COG4: variants seen among roughly 807,000 people sequenced by gnomAD.
COG4 encodes conserved oligomeric Golgi complex subunit 4.
A neutral mutation model predicts 95.1 loss-of-function variants in COG4; 65 were observed. The ratio of observed to expected loss-of-function variants is 0.68; its 90% CI spans 0.56 to 0.84. The LOEUF is 0.84. Ranked by LOEUF, COG4 falls within the 40% of genes least tolerant of loss-of-function variation. The probability of loss-of-function intolerance (pLI) is 0.00; values close to 1 mark genes in which losing one functional copy is unlikely to be tolerated. For missense variants in COG4, 1,045 were observed against 989.1 expected, an observed-to-expected ratio of 1.06 and a Z score of -0.76; for synonymous variants, 421 against 374.8, an observed-to-expected ratio of 1.12 and a Z score of -1.42.
chr16:70,508,675 T>C (rs189561908), intron 7 of COG4: 527 of 671,894 alleles, frequency 7.8e-4, no homozygotes, highest in Middle Eastern at 3.6e-3. Context: ...CCTCTATTAC[T>C]GTGCTTAAAA....
intron 12 of COG4, 124 bp from the exon 13 acceptor site, chr16:70,490,516 T>C: frequency 6.3e-6 from 5 of 795,484 alleles, no homozygotes; most frequent in Non-Finnish European, 1.1e-5. Flanking sequence ...AGTTCAGACT[T>C]GCGCTAATGA....
chr16:70,482,213 A>G, intron 15 of COG4, 38 bp from the exon 16 acceptor site: 2 of 1,284,892 alleles, frequency 1.6e-6, no homozygotes, highest in African/African-American at 2.9e-5. Context: ...CATGGGCCTC[A>G]TAAGAAGTAC....
intron 8 of COG4, among the ~76,000 whole-genome samples, chr16:70,504,657 A>C (rs1333588382): frequency 2.7e-5 from 4 of 150,592 alleles, no homozygotes; most frequent in Non-Finnish European, 5.9e-5. Flanking sequence ...TCACTCCTGT[A>C]ATCCCAGCAC....
chr16:70,482,458 A>C, intron 15 of COG4: 1 of 603,334 alleles, frequency 1.7e-6, no homozygotes, highest in Non-Finnish European at 2.9e-6. Context: ...CGCCAGGAGG[A>C]AAAAAACGCT....
intron 2 of COG4, 99 bp from the exon 3 acceptor site, chr16:70,517,839 A>C (rs1244490083): frequency 1.3e-6 from 1 of 764,378 alleles, no homozygotes; most frequent in Non-Finnish European, 2.3e-6. Context: ...CTTCTTTCAT[A>C]CCTACCTGTA....
At chr16:70,509,179 T>C (rs2049644570) in intron 7 of COG4, 52 bp downstream of exon 7, 19 of 1,607,028 alleles carry the variant, frequency 1.2e-5, no homozygotes, top group Non-Finnish European at 1.6e-5. Flanking sequence ...TTCTACTCAG[T>C]GTTCCTCGCT....
In COG4 at chr16:70,481,931, A is replaced by G. The variant is rs866618729; in HGVS notation, c.2005-66T>C. On this transcript the variant is annotated intron_variant, in intron 16 of 18. Coordinates refer to ENST00000323786, the MANE Select transcript of COG4 (RefSeq NM_015386.3). The stretch of plus-strand genomic sequence containing the variant: ...TCCTCTGCCTCTATGCTGGAGTCTT[A>G]GGTGGTGAGGATAGTAGCGTGAGGC... The G allele has an allele frequency of 4.1e-6, 6 of 1,478,898 alleles. No homozygotes were observed. In the East Asian group the frequency reaches 9.2e-5, roughly 23 times the overall value. The allele number at this position is 1,478,898 out of a possible 1,614,324, so 91.6% of individuals were successfully genotyped here. A position where few individuals can be genotyped will look rare whatever the true frequency, so the allele number is the denominator to read the frequency against.
At chr16:70,520,654 CAATGCCTAAACAAA>C (rs2049923297) in intron 1 of COG4, among the ~76,000 whole-genome samples, 1 of 150,366 alleles carries the variant, frequency 6.7e-6, no homozygotes, top group Non-Finnish European at 1.5e-5. Context: ...AAAGAAAATA[CAATGCCTAAACAAA>C]AAACACCACA....
intron 13 of COG4, among the ~76,000 whole-genome samples, chr16:70,489,526 A>AT (rs1334548942): frequency 7.1e-6 from 1 of 140,268 alleles, no homozygotes; most frequent in African/African-American, 3.1e-5. Context: ...CTTGATCCTG[A>AT]TTTAAAAAAA....
chr16:70,508,276 A>G, intron 8 of COG4, 130 bp downstream of exon 8: 1 of 793,902 alleles, frequency 1.3e-6, no homozygotes, highest in South Asian at 1.4e-5. Context: ...GATACATTGC[A>G]CTGAAAAATA....
chr16:70,518,749 G>A (rs1274480571), intron 2 of COG4, among the ~76,000 whole-genome samples: 2 of 151,994 alleles, frequency 1.3e-5, no homozygotes, highest in African/African-American at 4.8e-5. Context: ...AGGCCAGGCG[G>A]GCGGATCACT....
In COG4 at chr16:70,502,280, C is replaced by CAAAAA. The variant is rs59805765; in HGVS notation, c.1062-1194_1062-1190dup. Among the ~76,000 whole-genome samples, 28 of 19,110 alleles carry CAAAAA rather than the reference C, an allele frequency of 1.5e-3. 1 individual carries two copies. Among genetic ancestry groups the CAAAAA allele is most frequent in the African/African-American group, 2.1e-3 (19 of 9,142 alleles). 12.5% of individuals were successfully genotyped at this position (19,110 alleles called of 152,430 possible). On this transcript the variant is annotated intron_variant, in intron 8 of 18. Transcript: ENST00000323786. Reference sequence around the variant, plus strand: ...CTGGAGACACAGCAAGACTCCGTCTCAAAAAAAAAAAAAAAAAAAAAAAAA... The same window carrying CAAAAA: ...CTGGAGACACAGCAAGACTCCGTCTCAAAAAAAAAAAAAAAAAAAAAAAAAAAAAA...
At chr16:70,490,225 T>C in intron 13 of COG4, 105 bp downstream of exon 13, 1 of 949,252 alleles carries the variant, frequency 1.1e-6, no homozygotes. Context: ...CAAGTGTGGC[T>C]CAATGTCACC....
intron 1 of COG4, among the ~76,000 whole-genome samples, chr16:70,520,907 G>C (rs2049928316): frequency 6.6e-6 from 1 of 152,120 alleles, no homozygotes; most frequent in African/African-American, 2.4e-5. Context: ...ACCACACAAA[G>C]TGCTTAACAT....
intron 8 of COG4, among the ~76,000 whole-genome samples, chr16:70,505,228 C>T (rs148922036): frequency 0.11 from 15,846 of 139,660 alleles, 3,123 homozygotes; most frequent in African/African-American, 0.41. Context: ...GACAGAGTCT[C>T]GCTCTGTCAC....
intron 7 of COG4, chr16:70,508,929 T>C (rs537891832): frequency 1.8e-6 from 1 of 541,278 alleles, no homozygotes; most frequent in Non-Finnish European, 3.4e-6. Context: ...TGTCATTATA[T>C]CATTAGAGGG....
intron 10 of COG4, 77 bp from the exon 11 acceptor site, chr16:70,497,464 C>G: frequency 7.4e-7 from 1 of 1,348,330 alleles, no homozygotes; most frequent in East Asian, 2.3e-5. Flanking sequence ...GTACACTGGC[C>G]CTAGCTCTGC....
At chr16:70,493,731 C>T (rs903195116) in intron 12 of COG4, among the ~76,000 whole-genome samples, 2 of 152,056 alleles carry the variant, frequency 1.3e-5, no homozygotes, top group African/African-American at 4.8e-5. Flanking sequence ...GCCCTGTGAC[C>T]TGTGGACAGT....
chr16:70,495,133 G>A (rs1031391112), intron 12 of COG4, among the ~76,000 whole-genome samples: 3 of 151,578 alleles, frequency 2.0e-5, no homozygotes, highest in African/African-American at 7.3e-5. Flanking sequence ...GCTCATGCCT[G>A]TAATCCCAAC....
Sources: allele counts gnomAD v4.1 joint callset (sites outside exome capture counted in the v4.1 genomes callset), GRCh38; gene constraint gnomAD v4.1.1; transcripts MANE v1.5; gene names NCBI Gene and HGNC (gene_info 2026-07-23, HGNC 2026-07-21).